Variants in NPAS3 observed in about 807,000 individuals in gnomAD.
The protein encoded by NPAS3 is neuronal PAS domain protein 3.
In NPAS3, 14 loss-of-function variants were observed where a neutral mutation model predicts 73.1. The ratio of observed to expected loss-of-function variants is 0.19; its 90% CI spans 0.13 to 0.30. The LOEUF (loss-of-function observed/expected upper bound fraction) is 0.30. Among genes scored for constraint, NPAS3 ranks in the 10% least tolerant of loss-of-function variants. The pLI is 1.00. For missense variants in NPAS3, 1,096 were observed against 1,250.0 expected, an observed-to-expected ratio of 0.88 and a Z score of 1.86; for synonymous variants, 620 against 541.5, an observed-to-expected ratio of 1.14 and a Z score of -2.01.
intron 3 of NPAS3, among the ~76,000 whole-genome samples, chr14:33,236,549 G>A (rs369105303): frequency 2.6e-4 from 40 of 152,012 alleles, no homozygotes; most frequent in East Asian, 5.8e-4. Flanking sequence ...TGAGAGCATC[G>A]AATATCAGGT....
At chr14:33,735,581 C>G (rs1172539424) in intron 7 of NPAS3, among the ~76,000 whole-genome samples, 1 of 152,038 alleles carries the variant, frequency 6.6e-6, no homozygotes, top group East Asian at 1.9e-4. Flanking sequence ...TAAAAATATG[C>G]CAAGTGCTTC....
At chr14:33,771,988 C>T (rs2062668592) in intron 7 of NPAS3, among the ~76,000 whole-genome samples, 1 of 152,132 alleles carries the variant, frequency 6.6e-6, no homozygotes, top group African/African-American at 2.4e-5. Flanking sequence ...TCTGGAGCCT[C>T]CTTCTTCACC....
At chr14:33,450,032 G>T (rs1267037898) in intron 4 of NPAS3, among the ~76,000 whole-genome samples, 1 of 152,114 alleles carries the variant, frequency 6.6e-6, no homozygotes, top group Non-Finnish European at 1.5e-5. Context: ...CAATGAGAAA[G>T]TTCTGTAGAA....
chr14:33,726,222 A>G (rs2061260317), intron 6 of NPAS3, among the ~76,000 whole-genome samples: 1 of 152,118 alleles, frequency 6.6e-6, no homozygotes, highest in African/African-American at 2.4e-5. Context: ...TTCTCTGGAG[A>G]TCTCTAAAGA....
At chr14:33,291,184 G>A (rs2042084848) in intron 3 of NPAS3, among the ~76,000 whole-genome samples, 1 of 152,106 alleles carries the variant, frequency 6.6e-6, no homozygotes, top group Admixed American at 6.5e-5. Context: ...AGGCAGTCTA[G>A]CTTCCAGTTC....
intron 1 of NPAS3, among the ~76,000 whole-genome samples, chr14:32,939,839 C>CAGG (rs1224588470): frequency 4.3e-5 from 6 of 139,558 alleles, no homozygotes; most frequent in African/African-American, 1.6e-4. Flanking sequence ...AGGCGAGGAG[C>CAGG]AGGAGGAGGA....
At chr14:33,625,063 C>T (rs748438936) in intron 5 of NPAS3, among the ~76,000 whole-genome samples, 1 of 152,036 alleles carries the variant, frequency 6.6e-6, no homozygotes, top group Non-Finnish European at 1.5e-5. Flanking sequence ...TGTAACATGA[C>T]CTTTTATTTA....
intron 4 of NPAS3, among the ~76,000 whole-genome samples, chr14:33,420,577 C>G (rs1260202952): frequency 3.3e-5 from 5 of 151,502 alleles, no homozygotes. Context: ...TTAGCCAAAA[C>G]AATGTGGAAC....
chr14:33,640,658 C>T (rs1340605638), intron 5 of NPAS3, among the ~76,000 whole-genome samples: 2 of 152,162 alleles, frequency 1.3e-5, no homozygotes, highest in African/African-American at 2.4e-5. Context: ...TGAGCAATTG[C>T]AGCGGTCTAC....
At chr14:33,783,677 A>G (rs1241083318) in intron 9 of NPAS3, among the ~76,000 whole-genome samples, 1 of 152,124 alleles carries the variant, frequency 6.6e-6, no homozygotes, top group Non-Finnish European at 1.5e-5. Context: ...ACGGAGTCAG[A>G]GACCAGCAAG....
At chr14:33,203,045 T>TA (rs750176818) in intron 2 of NPAS3, among the ~76,000 whole-genome samples, 2 of 152,282 alleles carry the variant, frequency 1.3e-5, no homozygotes, top group Non-Finnish European at 2.9e-5. Context: ...TCTTAGACAT[T>TA]ACATTACACA....
At chr14:33,166,273 G>T (rs2045143789) in intron 2 of NPAS3, among the ~76,000 whole-genome samples, 1 of 152,204 alleles carries the variant, frequency 6.6e-6, no homozygotes, top group South Asian at 2.1e-4. Flanking sequence ...GGTCTTACCT[G>T]TTCTGTGGGC....
chr14:33,649,130 G>T (rs2058917206), intron 5 of NPAS3, among the ~76,000 whole-genome samples: 2 of 152,244 alleles, frequency 1.3e-5, no homozygotes, highest in East Asian at 1.9e-4. Context: ...ATGCCCTATA[G>T]GTTATGTATT....
chr14:33,153,277 C>G (rs66490219), intron 2 of NPAS3, among the ~76,000 whole-genome samples: 27,967 of 151,388 alleles, frequency 0.18, 2,684 homozygotes, highest in East Asian at 0.22. Flanking sequence ...GTCTTGTAAT[C>G]TTTGATTGTC....
intron 4 of NPAS3, among the ~76,000 whole-genome samples, chr14:33,383,726 T>C (rs2046655532): frequency 6.6e-6 from 1 of 152,178 alleles, no homozygotes; most frequent in African/African-American, 2.4e-5. Context: ...AGGAGGAATA[T>C]TAAACAAAAG....
chr14:33,401,584 AC>A (rs1279611051), intron 4 of NPAS3, among the ~76,000 whole-genome samples: 2 of 152,098 alleles, frequency 1.3e-5, no homozygotes, highest in African/African-American at 4.8e-5. Context: ...CTCACTGTGA[AC>A]TGAGTATAAT....
At position 33,543,700 on chromosome 14, in the gene NPAS3, C is replaced by A. The variant is rs577871350; in HGVS notation, c.469-16421C>A. Among the ~76,000 whole-genome samples, 14 of 152,240 alleles carry A rather than the reference C, an allele frequency of 9.2e-5. No homozygotes were observed. In the South Asian group the frequency reaches 2.7e-3, roughly 29 times the overall value. ...GCTTCATCTCAATCAGAGAGGACAA[C>A]AATCATCTTCTTGTCCCACCTCTGC... On this transcript the variant is annotated intron_variant, in intron 4 of 11. Transcript: ENST00000356141.
intron 4 of NPAS3, among the ~76,000 whole-genome samples, chr14:33,554,291 C>T (rs867020891): frequency 6.6e-6 from 1 of 152,128 alleles, no homozygotes; most frequent in East Asian, 1.9e-4. Context: ...GTTGTCCTAA[C>T]GGAGTTATGT....
At position 33,225,137 on chromosome 14, in the gene NPAS3, C is replaced by T. The variant is rs76729390; in HGVS notation, c.385+9711C>T. On this transcript the variant is annotated intron_variant, in intron 3 of 11. Transcript: ENST00000356141. ...CTTCATGGCTGATTGTATTAGGAAACGTGATTAACTGACAGTTACAATATC... is the reference window on the plus strand; with the variant it reads ...CTTCATGGCTGATTGTATTAGGAAATGTGATTAACTGACAGTTACAATATC... Among the ~76,000 whole-genome samples, 1,067 of 152,100 alleles carry T rather than the reference C, an allele frequency of 7.0e-3. 13 individuals are homozygous for T. The highest frequency in any genetic ancestry group is 0.024 in the African/African-American group (1,006 of 41,490).
Sources: gnomAD v4.1 joint callset for allele counts (sites outside exome capture counted in the v4.1 genomes callset) on GRCh38, gnomAD v4.1.1 for gene constraint, MANE v1.5 for transcripts, NCBI Gene and HGNC (gene_info 2026-07-23, HGNC 2026-07-21) for gene names.